BCAS1: variants seen among roughly 807,000 people sequenced by gnomAD.
BCAS1 encodes the protein breast carcinoma-amplified sequence 1.
Under a neutral mutation model 65.4 loss-of-function variants are expected in BCAS1, and 46 were observed. That is an observed-to-expected ratio of 0.70 (90% CI 0.55 to 0.90). BCAS1 has a LOEUF of 0.90. BCAS1 is among the 40% of genes least tolerant of loss of function. The pLI is 0.00. For synonymous variants in BCAS1, 298 were observed against 293.5 expected (o/e 1.02, Z -0.16); for missense variants, 793 against 771.2 (o/e 1.03, Z -0.33).
chr20:54,032,710 G>T (rs1182006075), intron 3 of BCAS1, among the ~76,000 whole-genome samples: 1 of 150,818 alleles, frequency 6.6e-6, no homozygotes, highest in Non-Finnish European at 1.5e-5. Context: ...AACCAACAAA[G>T]GTTAAAAGAA....
chr20:54,060,231 G>A (rs1261873825), intron 1 of BCAS1, among the ~76,000 whole-genome samples: 2 of 152,208 alleles, frequency 1.3e-5, no homozygotes, highest in Non-Finnish European at 2.9e-5. Flanking sequence ...TGCTTGTGAC[G>A]TGGTTAGAAC....
At position 53,995,975 on chromosome 20, in the gene BCAS1, C is replaced by A. The variant is rs764874076; in HGVS notation, c.799G>T (p.Gly267Ter). ...GAATCGTCCTTTGCAGTCTCCAGTC[C>A]TTCTGGGTCCCCAGGGACAGAGCAA... is the stretch of plus-strand genomic sequence containing the variant. ...ADCSVPGDPE[G>*]LETAKDDSQA... The change falls in exon 5 of 13, where the codon GGA (glycine) becomes TGA (stop). Residue 267 changes from glycine (G) to a stop codon, truncating the protein, a stop_gained. Transcript: ENST00000688948. LOFTEE classifies it high-confidence loss of function. 26 of 1,613,510 alleles carry A rather than the reference C, an allele frequency of 1.6e-5. No homozygotes were observed. The highest frequency in any genetic ancestry group is 2.2e-5 in the Non-Finnish European group (26 of 1,179,674).
chr20:53,956,167 C>A (rs1163039999), intron 11 of BCAS1, among the ~76,000 whole-genome samples: 1 of 152,172 alleles, frequency 6.6e-6, no homozygotes, highest in African/African-American at 2.4e-5. Context: ...TCCTTAACTC[C>A]CAATGTGATT....
intron 9 of BCAS1, among the ~76,000 whole-genome samples, chr20:53,969,072 G>A (rs1222593409): frequency 2.6e-5 from 4 of 152,146 alleles, no homozygotes; most frequent in Admixed American, 6.5e-5. Flanking sequence ...AATCTAACTC[G>A]TGGTCATAGA....
intron 3 of BCAS1, 196 bp from the exon 4 acceptor site, chr20:54,029,168 G>A: frequency 1.0e-6 from 1 of 985,404 alleles, no homozygotes; most frequent in Non-Finnish European, 1.2e-6. Context: ...GAGAAGGCAA[G>A]GTTGGTGAGG....
At chr20:53,968,161 T>C (rs1420938454) in intron 9 of BCAS1, among the ~76,000 whole-genome samples, 1 of 152,194 alleles carries the variant, frequency 6.6e-6, no homozygotes, top group Non-Finnish European at 1.5e-5. Context: ...GCCTGATGGA[T>C]TTTACGCATT....
Position 54,058,509 on chromosome 20 carries a change from C to T in BCAS1, c.72+138G>A, listed in dbSNP as rs191160717. 6.3e-6 allele frequency: 9 copies of T among 1,434,480 alleles called. No individual in the cohort carries two copies. In the Admixed American group the frequency reaches 2.0e-4, roughly 31 times the overall value. 88.9% of individuals were successfully genotyped at this position (1,434,480 alleles called of 1,614,324 possible). On this transcript the variant is annotated intron_variant, in intron 2 of 12. Transcript: ENST00000688948. ...CTGATTCTGACACCTTTTAGGTTAT[C>T]CTCGCTCCACTGTCTTGCACACACA...
Position 53,944,539 on chromosome 20 carries a change from C to G in BCAS1, c.*383G>C. 4.6e-6 allele frequency: 1 copy of G among 219,732 alleles called. No individual in the cohort carries two copies. The highest frequency in any genetic ancestry group is 9.3e-6 in the Non-Finnish European group (1 of 107,528). 13.6% of individuals were successfully genotyped at this position (219,732 alleles called of 1,614,324 possible). On this transcript the variant is annotated 3_prime_UTR_variant, in exon 13 of 13. Coordinates refer to ENST00000688948, the MANE Select transcript of BCAS1 (RefSeq NM_001366298.2). ...GGCCAGGCTAGTCTTGAACTCCTGA[C>G]CTCAGGTGATCCACCTGCCTCGGCC...
rs2090790131 is a variant in BCAS1, at chr20:53,992,587, C to T, written c.987G>A (p.Gln329=). The change falls in exon 7 of 13, where the codon CAG becomes CAA. Residue 329 remains glutamine, a synonymous_variant. Coordinates refer to ENST00000688948, the MANE Select transcript of BCAS1 (RefSeq NM_001366298.2). The stretch of plus-strand genomic sequence containing the variant: ...GGTGCTTTTTCTTGGTGCCTCTAGC[C>T]TGGATCTCGGATGTCTTCTGACCAG... ...GQAGQKTSEI[Q]ARGTKKKHLD... is the part of the protein sequence containing the mutation. 7.3e-7 allele frequency: 1 copy of T among 1,365,796 alleles called. No individual in the cohort carries two copies. The highest frequency in any genetic ancestry group is 9.8e-7 in the Non-Finnish European group (1 of 1,021,704). 84.6% of individuals were successfully genotyped at this position (1,365,796 alleles called of 1,614,324 possible). A position where few individuals can be genotyped will look rare whatever the true frequency, so the allele number is the denominator to read the frequency against.
At chr20:54,043,105 T>C (rs1490173650) in intron 3 of BCAS1, among the ~76,000 whole-genome samples, 1 of 152,198 alleles carries the variant, frequency 6.6e-6, no homozygotes, top group Non-Finnish European at 1.5e-5. Context: ...ACTTACTGGC[T>C]TAAGACTACG....
chr20:53,966,236 A>G (rs2090022392), intron 10 of BCAS1, among the ~76,000 whole-genome samples: 1 of 152,252 alleles, frequency 6.6e-6, no homozygotes, highest in East Asian at 1.9e-4. Context: ...CTAAGTGCCC[A>G]TCAACCAATG....
intron 1 of BCAS1, among the ~76,000 whole-genome samples, chr20:54,065,006 C>A (rs1323392554): frequency 1.3e-5 from 2 of 152,108 alleles, no homozygotes; most frequent in African/African-American, 4.8e-5. Flanking sequence ...TGGGAAAGTG[C>A]CTGGCAGGGC....
chr20:53,998,498 G>A (rs749168107), intron 4 of BCAS1, among the ~76,000 whole-genome samples: 31 of 152,112 alleles, frequency 2.0e-4, no homozygotes, highest in Non-Finnish European at 3.1e-4. Context: ...AAGAGTGGAG[G>A]GGGTGGTGGG....
intron 4 of BCAS1, among the ~76,000 whole-genome samples, chr20:54,001,579 C>T (rs2091055077): frequency 6.6e-6 from 1 of 152,010 alleles, no homozygotes; most frequent in Non-Finnish European, 1.5e-5. Flanking sequence ...GACTTGCGGC[C>T]CCCACCCAAG....
At chr20:54,041,457 A>C (rs1338922077) in intron 3 of BCAS1, among the ~76,000 whole-genome samples, 1 of 141,104 alleles carries the variant, frequency 7.1e-6, no homozygotes, top group Non-Finnish European at 1.6e-5. Flanking sequence ...GCCAGCTTTT[A>C]AGCAGAAGAA....
chr20:54,047,141 G>C (rs2092123969), intron 3 of BCAS1, among the ~76,000 whole-genome samples: 2 of 152,166 alleles, frequency 1.3e-5, no homozygotes, highest in Non-Finnish European at 2.9e-5. Flanking sequence ...TTGCCTCATG[G>C]CTTCTTCATG....
chr20:53,968,274 A>T (rs2090090346), intron 9 of BCAS1, among the ~76,000 whole-genome samples: 1 of 152,174 alleles, frequency 6.6e-6, no homozygotes, highest in Non-Finnish European at 1.5e-5. Context: ...TTTAAACCAC[A>T]TGGCTTTCAT....
At chr20:54,069,518 G>A (rs1337651899) in intron 1 of BCAS1, among the ~76,000 whole-genome samples, 1 of 152,140 alleles carries the variant, frequency 6.6e-6, no homozygotes, top group Non-Finnish European at 1.5e-5. Flanking sequence ...TCCCAGGCCC[G>A]ACTGGACTCC....
At position 54,004,030 on chromosome 20, in the gene BCAS1, C is replaced by T. The variant is rs147699992; in HGVS notation, c.724-7980G>A. Among the ~76,000 whole-genome samples, 1,476 of 152,292 alleles carry T rather than the reference C, an allele frequency of 9.7e-3. 14 individuals are homozygous for T. The highest frequency in any genetic ancestry group is 0.042 in the South Asian group (200 of 4,818). ...TAGGTGGTATGTCCGCGCACACACA[C>T]AGTTATTCTTTTAATGTGTATTGTG... On this transcript the variant is annotated intron_variant, in intron 4 of 12. Transcript: ENST00000688948.
Sources: gnomAD v4.1 joint callset for allele counts (sites outside exome capture counted in the v4.1 genomes callset) on GRCh38, gnomAD v4.1.1 for gene constraint, MANE v1.5 for transcripts, NCBI Gene and HGNC (gene_info 2026-07-23, HGNC 2026-07-21) for gene names.